MGAT4C: variants seen among roughly 807,000 people sequenced by gnomAD.
MGAT4C encodes the protein alpha-1,3-mannosyl-glycoprotein 4-beta-N-acetylglucosaminyltransferase C.
A neutral mutation model predicts 40.1 loss-of-function variants in MGAT4C; 19 were observed. That is an observed-to-expected ratio of 0.47 (90% CI 0.33 to 0.70). The LOEUF (loss-of-function observed/expected upper bound fraction) is 0.70. Among genes scored for constraint, MGAT4C ranks in the 30% least tolerant of loss-of-function variants. MGAT4C has a pLI of 0.02. For missense variants in MGAT4C, 491 were observed against 563.2 expected (o/e 0.87, Z 1.30); for synonymous variants, 181 against 187.1 (o/e 0.97, Z 0.27).
At chr12:86,415,371 T>C (rs190335578) in intron 3 of MGAT4C, among the ~76,000 whole-genome samples, 1 of 152,036 alleles carries the variant, frequency 6.6e-6, no homozygotes. Flanking sequence ...ATAACTAACA[T>C]ACAAAGATAA....
chr12:86,485,314 C>T (rs1225171623), intron 2 of MGAT4C, among the ~76,000 whole-genome samples: 2 of 152,060 alleles, frequency 1.3e-5, no homozygotes, highest in Admixed American at 1.3e-4. Flanking sequence ...CAAGTTGAAA[C>T]CCAATCCAAG....
intron 1 of MGAT4C, among the ~76,000 whole-genome samples, chr12:86,098,192 T>A (rs1378176806): frequency 6.6e-6 from 1 of 151,746 alleles, no homozygotes; most frequent in East Asian, 1.9e-4. Flanking sequence ...TTAAAATGAT[T>A]ACAGTTTATT....
At chr12:86,503,775 TA>T (rs1171182929) in intron 2 of MGAT4C, among the ~76,000 whole-genome samples, 9 of 34,174 alleles carry the variant, frequency 2.6e-4, no homozygotes, top group East Asian at 1.1e-3. Context: ...TATATATATA[TA>T]GAGTTCTGCT....
intron 1 of MGAT4C, among the ~76,000 whole-genome samples, chr12:86,205,267 T>G (rs1046775167): frequency 6.6e-6 from 1 of 151,700 alleles, no homozygotes; most frequent in East Asian, 1.9e-4. Flanking sequence ...TAACCAATAT[T>G]CATATTCATA....
At chr12:85,997,927 C>T (rs1170994168) in intron 2 of MGAT4C, among the ~76,000 whole-genome samples, 2 of 152,216 alleles carry the variant, frequency 1.3e-5, no homozygotes, top group African/African-American at 4.8e-5. Context: ...CCAGTAGGGA[C>T]TCAGTGTGGG....
chr12:86,570,285 T>C (rs1211593677), intron 2 of MGAT4C, among the ~76,000 whole-genome samples: 1 of 143,386 alleles, frequency 7.0e-6, no homozygotes, highest in Non-Finnish European at 1.5e-5. Context: ...TTAAATGTCA[T>C]GCTGCACAAC....
At chr12:86,067,450 C>A (rs746914844) in intron 1 of MGAT4C, among the ~76,000 whole-genome samples, 23 of 151,746 alleles carry the variant, frequency 1.5e-4, no homozygotes, top group Non-Finnish European at 2.8e-4. Context: ...AGCAAACTAA[C>A]ACAAGAACAG....
chr12:86,667,575 A>G (rs1964145869), intron 2 of MGAT4C, among the ~76,000 whole-genome samples: 1 of 152,158 alleles, frequency 6.6e-6, no homozygotes, highest in African/African-American at 2.4e-5. Flanking sequence ...AATGGCAAAA[A>G]CCGCATTTAC....
At chr12:86,514,221 T>C (rs1958644947) in intron 2 of MGAT4C, among the ~76,000 whole-genome samples, 1 of 152,062 alleles carries the variant, frequency 6.6e-6, no homozygotes, top group Non-Finnish European at 1.5e-5. Flanking sequence ...TCTGTAGCCA[T>C]ACAGGACAAA....
intron 2 of MGAT4C, among the ~76,000 whole-genome samples, chr12:86,538,198 A>G (rs2136381498): frequency 6.6e-6 from 1 of 152,372 alleles, no homozygotes; most frequent in African/African-American, 2.4e-5. Context: ...ATGAGGCGAT[A>G]TGATTAGGGA....
chr12:86,054,291 T>C (rs968472186), intron 1 of MGAT4C, among the ~76,000 whole-genome samples: 3 of 151,962 alleles, frequency 2.0e-5, no homozygotes, highest in Non-Finnish European at 2.9e-5. Flanking sequence ...CCAGAGGATA[T>C]TGTGCTAAGT....
intron 1 of MGAT4C, among the ~76,000 whole-genome samples, chr12:86,138,695 T>C (rs992368039): frequency 1.4e-5 from 2 of 146,546 alleles, no homozygotes; most frequent in Non-Finnish European, 3.0e-5. Context: ...TATTTCCATA[T>C]ATATCCATAT....
intron 1 of MGAT4C, among the ~76,000 whole-genome samples, chr12:86,091,270 G>A (rs774992168): frequency 6.6e-6 from 1 of 151,906 alleles, no homozygotes; most frequent in African/African-American, 2.4e-5. Context: ...AGTAAATGAG[G>A]CAGAAACACA....
Position 86,406,322 on chromosome 12 carries a change from G to A in MGAT4C, c.-120+28835C>T, listed in dbSNP as rs112267068. Among the ~76,000 whole-genome samples, 752 of 151,604 alleles carry A rather than the reference G, an allele frequency of 5.0e-3. 3 individuals are homozygous for A. Among genetic ancestry groups the A allele is most frequent in the African/African-American group, 0.017 (722 of 41,420 alleles). ...GGGTGAAAAGACAACTTTCAAAGTG[G>A]AGAAAAATACTTGTAAACTGTATAT... On this transcript the variant is annotated intron_variant, in intron 3 of 7. Transcript: ENST00000548651.
rs147754157 is a variant in MGAT4C, at chr12:86,623,625, C to T, written c.-229+103584G>A. Among the ~76,000 whole-genome samples, 191 of 152,102 alleles carry T rather than the reference C, an allele frequency of 1.3e-3. 2 individuals are homozygous for T. Among genetic ancestry groups the T allele is most frequent in the Middle Eastern group, 0.01 (3 of 294 alleles). On this transcript the variant is annotated intron_variant, in intron 2 of 7. Transcript: ENST00000548651. ...AAGTCAAAAATATCTTTCAAAAATA[C>T]ATATGGACATAAATGCTTCCACAAT... is the stretch of plus-strand genomic sequence containing the variant.
rs180943221 is a variant in MGAT4C at position 86,300,169 on chromosome 12, C to T, written c.-57+33896G>A. Among the ~76,000 whole-genome samples the T allele has an allele frequency of 4.5e-4, 68 of 152,214 alleles. No individual in the cohort carries two copies. In the East Asian group the frequency reaches 9.1e-3, roughly 20 times the overall value. On this transcript the variant is annotated intron_variant, in intron 4 of 7. Coordinates refer to the MGAT4C transcript ENST00000548651. ...ACCCAGTGTGAAATGGCATTTTATT[C>T]TCTGTGCATCCAATTTTTTTCTATT...
intron 1 of MGAT4C, among the ~76,000 whole-genome samples, chr12:86,193,391 A>G (rs981430947): frequency 3.3e-5 from 5 of 151,714 alleles, no homozygotes; most frequent in Non-Finnish European, 7.4e-5. Context: ...CTATTAATTT[A>G]TTTTTATTTT....
At chr12:86,233,019 T>G (rs1177427539) in intron 1 of MGAT4C, among the ~76,000 whole-genome samples, 1 of 152,224 alleles carries the variant, frequency 6.6e-6, no homozygotes, top group African/African-American at 2.4e-5. Flanking sequence ...CAGCTGTAAT[T>G]TGCCAGCAGT....
At chr12:86,283,496 G>C (rs956027507) in intron 4 of MGAT4C, among the ~76,000 whole-genome samples, 1 of 151,880 alleles carries the variant, frequency 6.6e-6, no homozygotes. Flanking sequence ...GGACATAAGA[G>C]AAGAAAAAAA....
Sources: allele counts gnomAD v4.1 joint callset (sites outside exome capture counted in the v4.1 genomes callset), GRCh38; gene constraint gnomAD v4.1.1; transcripts MANE v1.5; gene names NCBI Gene and HGNC (gene_info 2026-07-23, HGNC 2026-07-21).